Variants in GLS observed in about 807,000 individuals in gnomAD.
GLS encodes the protein glutaminase.
A neutral mutation model predicts 86.7 loss-of-function variants in GLS; 36 were observed. The ratio of observed to expected loss-of-function variants is 0.42; its 90% CI spans 0.32 to 0.55. GLS has a LOEUF of 0.55. GLS is among the 20% of genes least tolerant of loss of function. The probability of loss-of-function intolerance (pLI) is 0.17; values close to 1 mark genes in which losing one functional copy is unlikely to be tolerated. For synonymous variants in GLS, 317 were observed against 305.9 expected (o/e 1.04, Z -0.38); for missense variants, 528 against 833.4 (o/e 0.63, Z 4.51).
chr2:190,936,215 G>C (rs1166742648), intron 14 of GLS, among the ~76,000 whole-genome samples: 1 of 150,838 alleles, frequency 6.6e-6, no homozygotes, highest in African/African-American at 2.4e-5. Context: ...TAAAATACCT[G>C]GTGATCTTGA....
In GLS at chr2:190,951,735, C is replaced by T. The variant is rs1244578288; in HGVS notation, c.1651-1830C>T. ...AAAATTGTCAAGCAGTAATGAGAGA[C>T]CAGGTGGAAATATGGAGAATAATCT... On this transcript the variant is annotated intron_variant, in intron 14 of 17. Coordinates refer to ENST00000320717, the MANE Select transcript of GLS (RefSeq NM_014905.5). This position sits in a 1 kb window ranked among gnomAD's most constrained non-coding sequence, Gnocchi z 4.2. Among the ~76,000 whole-genome samples, 1 of 151,914 alleles carries T rather than the reference C, an allele frequency of 6.6e-6. No individual in the cohort carries two copies. Among genetic ancestry groups the T allele is most frequent in the Non-Finnish European group, 1.5e-5 (1 of 67,992 alleles).
At chr2:190,923,663 A>C (rs1412467859) in intron 9 of GLS, among the ~76,000 whole-genome samples, 1 of 152,230 alleles carries the variant, frequency 6.6e-6, no homozygotes, top group Non-Finnish European at 1.5e-5. Context: ...TGTTTACAAA[A>C]TATGAAGACT....
In GLS at chr2:190,953,439, A is replaced by AGATCACTTT. The variant is rs1432906316; in HGVS notation, c.1651-125_1651-117dup. On this transcript the variant is annotated intron_variant, in intron 14 of 17. Transcript: ENST00000320717. The surrounding 1 kb of genome is among the most constrained non-coding windows in gnomAD (Gnocchi z 4.0). ...TCTTTTGGCTATGGAAGTGTCCTTGAGATCACTTTTTGCACGTGACTCAGC... is the reference window on the plus strand; with the variant it reads ...TCTTTTGGCTATGGAAGTGTCCTTGAGATCACTTTGATCACTTTTTGCACGTGACTCAGC... The AGATCACTTT allele has an allele frequency of 3.1e-5, 21 of 675,092 alleles. No homozygotes were observed. Among genetic ancestry groups the AGATCACTTT allele is most frequent in the Non-Finnish European group, 5.7e-5 (21 of 366,362 alleles). The allele number at this position is 675,092 out of a possible 1,614,324, so 41.8% of individuals were successfully genotyped here.
At position 190,933,531 on chromosome 2, in the gene GLS, A is replaced by C. The variant is rs1422695805; in HGVS notation, c.1650+1894A>C. 4 of 939,922 alleles carry C rather than the reference A, an allele frequency of 4.3e-6. No homozygotes were observed. In the African/African-American group the frequency reaches 7.1e-5, roughly 17 times the overall value. 58.2% of individuals were successfully genotyped at this position (939,922 alleles called of 1,614,324 possible). On this transcript the variant is annotated intron_variant, in intron 14 of 17. Coordinates refer to ENST00000320717, the MANE Select transcript of GLS (RefSeq NM_014905.5). Reference sequence around the variant, plus strand: ...CTGTTCTGTCAGAGTTGTTATATACAGGAGTGTCTTATGTTACTAAAACAT... The same window carrying C: ...CTGTTCTGTCAGAGTTGTTATATACCGGAGTGTCTTATGTTACTAAAACAT...
rs768185289 is a variant in GLS at position 190,963,243 on chromosome 2, A to G, written c.*257A>G. 5 of 293,238 alleles carry G rather than the reference A, an allele frequency of 1.7e-5. No individual in the cohort carries two copies. Among genetic ancestry groups the G allele is most frequent in the South Asian group, 6.1e-5 (1 of 16,276 alleles). The allele number at this position is 293,238 out of a possible 1,614,324, so 18.2% of individuals were successfully genotyped here. On this transcript the variant is annotated 3_prime_UTR_variant, in exon 18 of 18. Transcript: ENST00000320717. ...TTTGATGTAAAAGAAATAGTTACCAATGCTAGCTTGTGTGGTCTTCCATGA... is the reference window on the plus strand; with the variant it reads ...TTTGATGTAAAAGAAATAGTTACCAGTGCTAGCTTGTGTGGTCTTCCATGA...
rs1290223420 is a variant in GLS at position 190,880,871 on chromosome 2, G to A, written c.-214G>A. ...GAGAACCGGTCGCGGCAATCCTAGC[G>A]CGCAGCAGCAGCAGCAGCAGCAGCA... On this transcript the variant is annotated 5_prime_UTR_variant, in exon 1 of 18. Coordinates refer to ENST00000320717, the MANE Select transcript of GLS (RefSeq NM_014905.5). 6 of 704,332 alleles carry A rather than the reference G, an allele frequency of 8.5e-6. 1 individual carries two copies. Among genetic ancestry groups the A allele is most frequent in the African/African-American group, 2.1e-5 (1 of 47,958 alleles). 43.6% of individuals were successfully genotyped at this position (704,332 alleles called of 1,614,324 possible).
At chr2:190,957,409 T>TGCCTGATTGTCCTA (rs1470193073) in intron 17 of GLS, among the ~76,000 whole-genome samples, 1 of 152,178 alleles carries the variant, frequency 6.6e-6, no homozygotes, top group Non-Finnish European at 1.5e-5. Context: ...TTCTTTCCCT[T>TGCCTGATTGTCCTA]GCCTGATTGT....
chr2:190,940,128 CTCT>C (rs1353819675), intron 14 of GLS, among the ~76,000 whole-genome samples: 1 of 151,830 alleles, frequency 6.6e-6, no homozygotes, highest in East Asian at 1.9e-4. Context: ...GTCCAAATTT[CTCT>C]TCTTCAGTAT....
intron 1 of GLS, among the ~76,000 whole-genome samples, chr2:190,887,256 C>G (rs185163499): frequency 6.6e-6 from 1 of 152,184 alleles, no homozygotes; most frequent in African/African-American, 2.4e-5. Context: ...ACCCTGAAAT[C>G]TACTCAGGTG....
In GLS at chr2:190,949,358, A is replaced by G. The variant is rs1203937084; in HGVS notation, c.1651-4207A>G. Among the ~76,000 whole-genome samples, 2 of 152,168 alleles carry G rather than the reference A, an allele frequency of 1.3e-5. No individual in the cohort carries two copies. The highest frequency in any genetic ancestry group is 2.9e-5 in the Non-Finnish European group (2 of 68,028). ...GGACCAGAAGCAGAGGCATCAGTTA[A>G]TGATTGAATAAATCTTGTAATGATA... is the stretch of plus-strand genomic sequence containing the variant. On this transcript the variant is annotated intron_variant, in intron 14 of 17. Coordinates refer to ENST00000320717, the MANE Select transcript of GLS (RefSeq NM_014905.5). The surrounding 1 kb of genome is among the most constrained non-coding windows in gnomAD (Gnocchi z 4.0).
chr2:190,957,273 G>T (rs1361514073), intron 17 of GLS, among the ~76,000 whole-genome samples: 1 of 152,118 alleles, frequency 6.6e-6, no homozygotes. Context: ...TGTATTTTTA[G>T]TAGAGATGGG....
chr2:190,952,590 G>C (rs752971191), intron 14 of GLS, among the ~76,000 whole-genome samples: 11 of 152,178 alleles, frequency 7.2e-5, no homozygotes, highest in Non-Finnish European at 1.3e-4. Flanking sequence ...AGAATGTCCG[G>C]GTTAAGATCT....
At position 190,880,857 on chromosome 2, in the gene GLS, G is replaced by C. The variant is rs1349523746; in HGVS notation, c.-228G>C. 9 of 807,880 alleles carry C rather than the reference G, an allele frequency of 1.1e-5. No individual in the cohort carries two copies. Among genetic ancestry groups the C allele is most frequent in the Admixed American group, 2.1e-5 (1 of 47,200 alleles). 50.0% of individuals were successfully genotyped at this position (807,880 alleles called of 1,614,324 possible). On this transcript the variant is annotated 5_prime_UTR_variant, in exon 1 of 18. Transcript: ENST00000320717. ...TTAGGCGGAGCGAAGAGAACCGGTC[G>C]CGGCAATCCTAGCGCGCAGCAGCAG...
chr2:190,940,579 C>T (rs116374011), intron 14 of GLS, among the ~76,000 whole-genome samples: 199 of 152,118 alleles, frequency 1.3e-3, no homozygotes, highest in African/African-American at 4.6e-3. Flanking sequence ...TCTAGAATTG[C>T]TTTTGTAATA....
At chr2:190,893,124 A>AT (rs375174253) in intron 1 of GLS, among the ~76,000 whole-genome samples, 11 of 152,266 alleles carry the variant, frequency 7.2e-5, no homozygotes, top group African/African-American at 2.4e-4. Context: ...TTATCCACTG[A>AT]TTTTTTGACA....
chr2:190,910,722 T>C (rs1437514363), intron 7 of GLS, among the ~76,000 whole-genome samples: 1 of 151,798 alleles, frequency 6.6e-6, no homozygotes, highest in Non-Finnish European at 1.5e-5. Context: ...GTTATTAGTA[T>C]ATGTGGGAAC....
At chr2:190,957,785 G>C (rs1321969410) in intron 17 of GLS, among the ~76,000 whole-genome samples, 1 of 152,178 alleles carries the variant, frequency 6.6e-6, no homozygotes, top group Non-Finnish European at 1.5e-5. Context: ...TAAGCTTTTT[G>C]ATGTGCTGCT....
chr2:190,884,805 A>T (rs1229254927), intron 1 of GLS, among the ~76,000 whole-genome samples: 1 of 152,182 alleles, frequency 6.6e-6, no homozygotes, highest in Non-Finnish European at 1.5e-5. Flanking sequence ...TGTTAAAACA[A>T]CAATGAGGTC....
rs377412759 is a variant in GLS, at chr2:190,895,558, A to G, written c.484-46A>G. On this transcript the variant is annotated intron_variant, in intron 2 of 17. Transcript: ENST00000320717. The surrounding 1 kb of genome is among the most constrained non-coding windows in gnomAD (Gnocchi z 4.2). ...TCTTATAGTTGGTATAAGCATATAC[A>G]TTATTTGCACTATATATTTACAAAC... 713 of 1,374,748 alleles carry G rather than the reference A, an allele frequency of 5.2e-4. 2 individuals carry two copies. Among genetic ancestry groups the G allele is most frequent in the Middle Eastern group, 2.9e-3 (13 of 4,418 alleles). The allele number at this position is 1,374,748 out of a possible 1,614,324, so 85.2% of individuals were successfully genotyped here.
Sources: gnomAD v4.1 joint callset for allele counts (sites outside exome capture counted in the v4.1 genomes callset) on GRCh38, gnomAD v4.1.1 for gene constraint, Gnocchi (gnomAD v3.1) non-coding constraint, MANE v1.5 for transcripts, NCBI Gene and HGNC (gene_info 2026-07-23, HGNC 2026-07-21) for gene names.